CHN1: variants seen among roughly 807,000 people sequenced by gnomAD.
CHN1 encodes the protein chimerin 1, also known as N-chimaerin.
Under a neutral mutation model 59.5 loss-of-function variants are expected in CHN1, and 37 were observed. The ratio of observed to expected loss-of-function variants is 0.62; its 90% CI spans 0.48 to 0.82. The LOEUF (loss-of-function observed/expected upper bound fraction) is 0.82, where lower values mean the gene tolerates loss of function less well. CHN1 is among the 40% of genes least tolerant of loss of function. The pLI is 0.00. For missense variants in CHN1, 469 were observed against 571.0 expected (o/e 0.82, Z 1.82); for synonymous variants, 206 against 200.4 (o/e 1.03, Z -0.24).
chr2:174,849,813 C>T (rs1686668237), intron 6 of CHN1, among the ~76,000 whole-genome samples: 1 of 152,164 alleles, frequency 6.6e-6, no homozygotes, highest in Non-Finnish European at 1.5e-5. Context: ...CTACAGTTTA[C>T]TTCCCAAAGT....
At chr2:174,802,965 G>A (rs189181910) in intron 11 of CHN1, among the ~76,000 whole-genome samples, 77 of 152,280 alleles carry the variant, frequency 5.1e-4, no homozygotes, top group African/African-American at 1.7e-3. Context: ...TTGAACCCAG[G>A]AGGTGGAGGT....
intron 3 of CHN1, among the ~76,000 whole-genome samples, chr2:174,943,329 C>A (rs1325664639): frequency 6.6e-6 from 1 of 151,794 alleles, no homozygotes; most frequent in African/African-American, 2.4e-5. Flanking sequence ...CGGGTTCAAG[C>A]GATTCTCCTG....
At chr2:174,876,307 T>A (rs1332035378) in intron 6 of CHN1, among the ~76,000 whole-genome samples, 3 of 152,232 alleles carry the variant, frequency 2.0e-5, no homozygotes, top group African/African-American at 7.2e-5. Flanking sequence ...ACTAGGCTGA[T>A]CAATTTTGAA....
chr2:174,833,547 A>T (rs2105414722), intron 7 of CHN1, among the ~76,000 whole-genome samples: 1 of 152,202 alleles, frequency 6.6e-6, no homozygotes, highest in Non-Finnish European at 1.5e-5. Context: ...GGTTTCCTGT[A>T]CACAGCATAT....
chr2:174,847,704 TA>T, intron 6 of CHN1: 3 of 1,231,564 alleles, frequency 2.4e-6, no homozygotes, highest in Non-Finnish European at 3.2e-6. Flanking sequence ...TTAAGTACTG[TA>T]TTCCTAAACT....
intron 7 of CHN1, among the ~76,000 whole-genome samples, chr2:174,833,371 T>C (rs185462671): frequency 4.5e-4 from 69 of 152,342 alleles, no homozygotes; most frequent in African/African-American, 1.6e-3. Flanking sequence ...CCAATTTTCT[T>C]TGAATTATTG....
At chr2:174,937,304 T>C (rs1377950228) in intron 3 of CHN1, among the ~76,000 whole-genome samples, 5 of 152,172 alleles carry the variant, frequency 3.3e-5, no homozygotes, top group Admixed American at 2.6e-4. Context: ...CCTTTGAGCC[T>C]GGCATAGTTA....
chr2:174,944,482 T>C (rs1689768386), intron 3 of CHN1, among the ~76,000 whole-genome samples: 8 of 152,226 alleles, frequency 5.3e-5, no homozygotes, highest in Admixed American at 5.2e-4. Context: ...CATATCTTTT[T>C]TTGGTGAACT....
Position 174,846,873 on chromosome 2 carries a change from T to A in CHN1, c.627+7A>T. 6.5e-7 allele frequency: 1 copy of A among 1,547,476 alleles called. No individual in the cohort carries two copies. Among genetic ancestry groups the A allele is most frequent in the Non-Finnish European group, 8.7e-7 (1 of 1,144,470 alleles). ...TTTCTTAAAAGACTAAAAGCAAATA[T>A]TCTTACCTTGAAATTGTGAATCTTT... On this transcript the variant is annotated splice_region_variant and intron_variant, in intron 7 of 12. Coordinates refer to ENST00000409900, the MANE Select transcript of CHN1 (RefSeq NM_001822.7).
intron 8 of CHN1, among the ~76,000 whole-genome samples, chr2:174,817,779 A>G (rs911982555): frequency 2.6e-5 from 4 of 151,816 alleles, no homozygotes; most frequent in African/African-American, 9.7e-5. Context: ...CTGGGACTAC[A>G]GGCGCCCGCC....
intron 6 of CHN1, among the ~76,000 whole-genome samples, chr2:174,871,531 GA>G (rs940985041): frequency 6.6e-6 from 1 of 151,986 alleles, no homozygotes; most frequent in African/African-American, 2.4e-5. Flanking sequence ...AATACTGGGG[GA>G]AAAAAGCCTT....
At chr2:174,827,811 T>C (rs113002956) in intron 7 of CHN1, among the ~76,000 whole-genome samples, 7,747 of 152,202 alleles carry the variant, frequency 0.051, 667 homozygotes, top group African/African-American at 0.17. Flanking sequence ...GGAAAGAAAC[T>C]GGTCTGTTAA....
At chr2:174,818,174 A>G (rs1685347590) in intron 8 of CHN1, among the ~76,000 whole-genome samples, 1 of 152,226 alleles carries the variant, frequency 6.6e-6, no homozygotes, top group Non-Finnish European at 1.5e-5. Context: ...TATTTAAGGA[A>G]GAGGGAAATG....
In CHN1 at chr2:174,867,998, A is replaced by T. The variant is rs559235557; in HGVS notation, c.549+9842T>A. On this transcript the variant is annotated intron_variant, in intron 6 of 12. Coordinates refer to ENST00000409900, the MANE Select transcript of CHN1 (RefSeq NM_001822.7). ...TGTACATTAATCTATGCGTAGGAAG[A>T]CAGACTAAAAGGAAACTCATCAAAA... 4.6e-5 allele frequency among the ~76,000 whole-genome samples: 7 copies of T among 152,362 alleles called. 1 individual carries two copies. In the East Asian group the frequency reaches 1.3e-3, roughly 29 times the overall value.
At chr2:174,994,421 T>C (rs1691640228) in intron 1 of CHN1, among the ~76,000 whole-genome samples, 1 of 152,196 alleles carries the variant, frequency 6.6e-6, no homozygotes, top group Non-Finnish European at 1.5e-5. Flanking sequence ...ATAAATACAG[T>C]AGACTCCATA....
chr2:174,893,277 G>A (rs936231078), intron 5 of CHN1, among the ~76,000 whole-genome samples: 2 of 152,006 alleles, frequency 1.3e-5, no homozygotes, highest in African/African-American at 4.8e-5. Flanking sequence ...TAAAACTGCA[G>A]GATACAAACA....
chr2:174,812,207 T>G (rs1051664005), intron 9 of CHN1, 102 bp downstream of exon 9: 1 of 906,426 alleles, frequency 1.1e-6, no homozygotes, highest in African/African-American at 1.7e-5. Context: ...CCCTCCAAAT[T>G]ACAGAAGACA....
chr2:174,811,711 T>A (rs1346422664), intron 9 of CHN1, 123 bp from the exon 10 acceptor site: 2 of 585,230 alleles, frequency 3.4e-6, no homozygotes, highest in Non-Finnish European at 6.0e-6. Context: ...AGAAATCTTT[T>A]CACACTCTTC....
At chr2:174,918,476 A>G in intron 4 of CHN1, 58 bp downstream of exon 4, 1 of 1,300,376 alleles carries the variant, frequency 7.7e-7, no homozygotes, top group Non-Finnish European at 1.0e-6. Flanking sequence ...GCATCCATTT[A>G]CCCTGTCTGT....
Sources: allele counts gnomAD v4.1 joint callset (sites outside exome capture counted in the v4.1 genomes callset), GRCh38; gene constraint gnomAD v4.1.1; transcripts MANE v1.5; gene names NCBI Gene and HGNC (gene_info 2026-07-23, HGNC 2026-07-21).